MYH11: variants seen among roughly 807,000 people sequenced by gnomAD.
MYH11 encodes the protein myosin-11.
MYH11 carries 80 observed loss-of-function variants against 246.6 expected under a neutral mutation model. That is an observed-to-expected ratio of 0.32 (90% CI 0.27 to 0.39). MYH11 has a LOEUF of 0.39. Among genes scored for constraint, MYH11 ranks in the 10% least tolerant of loss-of-function variants. The probability of loss-of-function intolerance (pLI) is 1.00; values close to 1 mark genes in which losing one functional copy is unlikely to be tolerated. For synonymous variants in MYH11, 1,071 were observed against 1,015.5 expected (o/e 1.05, Z -1.04); for missense variants, 2,158 against 2,546.8 (o/e 0.85, Z 3.29).
At chr16:15,715,535 C>T (rs1165154882) in intron 38 of MYH11, among the ~76,000 whole-genome samples, 3 of 152,200 alleles carry the variant, frequency 2.0e-5, no homozygotes, top group African/African-American at 7.2e-5. Context: ...CCGTTGATAT[C>T]AAGTGTCCAG....
chr16:15,849,465 AG>A (rs1375142451), intron 1 of MYH11, among the ~76,000 whole-genome samples: 1 of 152,040 alleles, frequency 6.6e-6, no homozygotes, highest in Non-Finnish European at 1.5e-5. Context: ...TTTTTGAGAC[AG>A]GGTCTGGCTC....
chr16:15,716,679 ACT>A (rs2040168375), intron 38 of MYH11, among the ~76,000 whole-genome samples: 1 of 152,010 alleles, frequency 6.6e-6, no homozygotes, highest in African/African-American at 2.4e-5. Context: ...GTGCCACCAC[ACT>A]CGGCTAATTT....
intron 24 of MYH11, among the ~76,000 whole-genome samples, chr16:15,738,066 G>A (rs144872313): frequency 3.9e-5 from 6 of 152,204 alleles, no homozygotes; most frequent in African/African-American, 7.2e-5. Flanking sequence ...GATTACAGGC[G>A]AGAGCCACCG....
chr16:15,776,489 G>A (rs184155364), intron 7 of MYH11, among the ~76,000 whole-genome samples: 4 of 152,306 alleles, frequency 2.6e-5, no homozygotes, highest in African/African-American at 9.6e-5. Context: ...AAAATGAGCT[G>A]TCTTCAGACA....
chr16:15,778,964 G>A (rs907708070), intron 6 of MYH11, 121 bp from the exon 7 acceptor site: 34 of 921,642 alleles, frequency 3.7e-5, no homozygotes, highest in Admixed American at 3.5e-4. Context: ...AGATTCTTGC[G>A]AACACTCAGA....
At chr16:15,805,411 G>C (rs1309827079) in intron 3 of MYH11, among the ~76,000 whole-genome samples, 1 of 152,162 alleles carries the variant, frequency 6.6e-6, no homozygotes, top group African/African-American at 2.4e-5. Context: ...GCGGAAAAAG[G>C]TACAGATGAT....
At chr16:15,808,452 G>A (rs2043063577) in intron 3 of MYH11, among the ~76,000 whole-genome samples, 1 of 152,148 alleles carries the variant, frequency 6.6e-6, no homozygotes, top group African/African-American at 2.4e-5. Context: ...TGTAAGTGAG[G>A]GCCCTTCTCT....
chr16:15,842,554 G>A (rs1371732261), intron 1 of MYH11, among the ~76,000 whole-genome samples: 6 of 151,662 alleles, frequency 4.0e-5, no homozygotes, highest in East Asian at 1.9e-4. Context: ...CTTGAGGTCC[G>A]GAGTTCAAGA....
chr16:15,831,021 A>C (rs2043722065), intron 2 of MYH11, among the ~76,000 whole-genome samples: 1 of 152,032 alleles, frequency 6.6e-6, no homozygotes, highest in African/African-American at 2.4e-5. Context: ...AAAATACAAA[A>C]ATCAGCTGGG....
At chr16:15,748,445 C>T (rs2041478901) in intron 16 of MYH11, among the ~76,000 whole-genome samples, 1 of 152,190 alleles carries the variant, frequency 6.6e-6, no homozygotes, top group Non-Finnish European at 1.5e-5. Context: ...ATCACCTCGT[C>T]TCCCTCACTT....
intron 1 of MYH11, among the ~76,000 whole-genome samples, chr16:15,855,496 A>G (rs2044441838): frequency 6.6e-6 from 1 of 152,178 alleles, no homozygotes; most frequent in Non-Finnish European, 1.5e-5. Context: ...AATGGGTTCT[A>G]CCACTTGCTG....
At position 15,763,887 on chromosome 16, in the gene MYH11, T is replaced by C. The variant is rs2041924270; in HGVS notation, c.1038A>G (p.Ile346Met). The change falls in exon 10 of 41, where the codon ATA (isoleucine) becomes ATG (methionine). Residue 346 changes from isoleucine (I) to methionine (M), a missense_variant. By Grantham distance (10) the Ile-to-Met change is conservative. Around this residue, in one of 11 missense-constraint regions of MYH11, gnomAD observed 75 missense variants for 70.0 expected, o/e 1.07. Coordinates refer to ENST00000300036, the MANE Select transcript of MYH11 (RefSeq NM_002474.3). ...GCAGGACCGATGATACCACCTTCAA[T>C]ATGGCTGAGGTGGGGAGAGAAGGGC... is the stretch of plus-strand genomic sequence containing the variant. ...MGFSEEEQLS[I>M]LKVVSSVLQL... 2 of 1,612,146 alleles carry C rather than the reference T, an allele frequency of 1.2e-6. No individual in the cohort carries two copies. Among genetic ancestry groups the C allele is most frequent in the Non-Finnish European group, 8.5e-7 (1 of 1,178,386 alleles).
chr16:15,847,153 GA>G (rs1395836253), intron 1 of MYH11, among the ~76,000 whole-genome samples: 2 of 151,816 alleles, frequency 1.3e-5, no homozygotes, highest in African/African-American at 4.8e-5. Flanking sequence ...GTGCAATAAT[GA>G]AGAGTTTGTG....
At position 15,855,088 on chromosome 16, in the gene MYH11, G is replaced by A. The variant is rs561681078; in HGVS notation, c.-18+1853C>T. 1.2e-4 allele frequency among the ~76,000 whole-genome samples: 19 copies of A among 152,180 alleles called. No individual in the cohort carries two copies. In the South Asian group the frequency reaches 1.7e-3, roughly 13 times the overall value. On this transcript the variant is annotated intron_variant, in intron 1 of 40. Transcript: ENST00000300036. ...TTTGCCTCAATCTCTGCCCTCCCACGGAAAAGTAATGATAACAAATCCATA... is the reference window on the plus strand; with the variant it reads ...TTTGCCTCAATCTCTGCCCTCCCACAGAAAAGTAATGATAACAAATCCATA...
chr16:15,753,305 C>T, intron 15 of MYH11, 89 bp downstream of exon 15: 1 of 1,188,926 alleles, frequency 8.4e-7, no homozygotes, highest in Non-Finnish European at 1.2e-6. Context: ...AAGGCCTCCC[C>T]TCCTGGGGCA....
At chr16:15,706,556 A>G (rs2039467320) in intron 40 of MYH11, among the ~76,000 whole-genome samples, 1 of 151,980 alleles carries the variant, frequency 6.6e-6, no homozygotes, top group South Asian at 2.1e-4. Context: ...AAATATACTA[A>G]ATTAGCCGTG....
At position 15,756,381 on chromosome 16, in the gene MYH11, T is replaced by C; in HGVS notation, c.1709A>G (p.Lys570Arg). Residue 570 changes from lysine to arginine, a missense_variant, in exon 14 of 41, where the codon AAG becomes AGG. Around this residue, in one of 11 missense-constraint regions of MYH11, gnomAD observed 317 missense variants for 507.7 expected, o/e 0.62. Coordinates refer to ENST00000300036, the MANE Select transcript of MYH11 (RefSeq NM_002474.3). ...GATGATGGAGAACTCAGTCTTGTCC[T>C]TGAGCTGCTTGGGCTTCTGGAACTT... ...HPKFQKPKQL[K>R]DKTEFSIIHY... is the part of the protein sequence containing the mutation. The C allele has an allele frequency of 6.2e-7, 1 of 1,614,166 alleles. No homozygotes were observed. The highest frequency in any genetic ancestry group is 8.5e-7 in the Non-Finnish European group (1 of 1,180,034).
At chr16:15,732,766 G>A in intron 26 of MYH11, 58 bp from the exon 27 acceptor site, 1 of 1,604,526 alleles carries the variant, frequency 6.2e-7, no homozygotes, top group Non-Finnish European at 8.5e-7. Flanking sequence ...TCATCTCAGT[G>A]CCGTGCAAAA....
intron 24 of MYH11, 152 bp from the exon 25 acceptor site, chr16:15,737,772 G>A: frequency 1.3e-6 from 1 of 760,928 alleles, no homozygotes; most frequent in South Asian, 1.6e-5. Flanking sequence ...ATCTCCCGAT[G>A]AACAGCACCT....
Sources: allele counts gnomAD v4.1 joint callset (sites outside exome capture counted in the v4.1 genomes callset), GRCh38; gene constraint gnomAD v4.1.1; regional missense constraint gnomAD v4.1.1; transcripts MANE v1.5; gene names NCBI Gene and HGNC (gene_info 2026-07-23, HGNC 2026-07-21).